The following B3GALT5 variants were observed in gnomAD, a reference collection of about 807,000 sequenced individuals.
B3GALT5 encodes the protein beta-1,3-galactosyltransferase 5, also known as UDP-Gal:betaGlcNAc beta 1,3-galactosyltransferase, polypeptide 5.
For missense variants in B3GALT5, 328 were observed against 396.6 expected (o/e 0.83, Z 1.47); for synonymous variants, 156 against 158.6 (o/e 0.98, Z 0.12).
At chr21:39,656,034 G>A (rs545379044) in intron 2 of B3GALT5, among the ~76,000 whole-genome samples, 2 of 152,224 alleles carry the variant, frequency 1.3e-5, no homozygotes, top group South Asian at 2.1e-4. Flanking sequence ...TTCCACTGGC[G>A]TTTTTTACCA....
At chr21:39,625,324 A>G (rs539325621) in intron 1 of B3GALT5, among the ~76,000 whole-genome samples, 2 of 152,324 alleles carry the variant, frequency 1.3e-5, no homozygotes, top group Non-Finnish European at 2.9e-5. Context: ...TCTGAGCCTG[A>G]TGGCTCTACC....
intron 1 of B3GALT5, among the ~76,000 whole-genome samples, chr21:39,640,699 T>C (rs890051716): frequency 2.0e-5 from 3 of 152,164 alleles, no homozygotes; most frequent in Non-Finnish European, 4.4e-5. Context: ...CTATTTTTTT[T>C]TTTTTGAGAA....
rs1040751179 is a variant in B3GALT5, at chr21:39,672,857, G to A, written c.*11365G>A. On this transcript the variant is annotated 3_prime_UTR_variant, in exon 4 of 4. Transcript: ENST00000684187. ...CTTGGATTTCGGAAGCAAAGCAATGGGACCCTACGCTTCAGAGTCTTAATG... is the reference window on the plus strand; with the variant it reads ...CTTGGATTTCGGAAGCAAAGCAATGAGACCCTACGCTTCAGAGTCTTAATG... 1 of 152,174 alleles carries A rather than the reference G, an allele frequency of 6.6e-6. No individual in the cohort carries two copies. Among genetic ancestry groups the A allele is most frequent in the African/African-American group, 2.4e-5 (1 of 41,440 alleles). 9.4% of individuals were successfully genotyped at this position (152,174 alleles called of 1,614,324 possible). A position where few individuals can be genotyped will look rare whatever the true frequency, so the allele number is the denominator to read the frequency against.
rs1205345088 is a variant in B3GALT5, at chr21:39,659,743, T to C, written c.-160-10T>C. 3 of 985,028 alleles carry C rather than the reference T, an allele frequency of 3.0e-6. No homozygotes were observed. In the African/African-American group the frequency reaches 5.2e-5, roughly 17 times the overall value. The allele number at this position is 985,028 out of a possible 1,614,324, so 61.0% of individuals were successfully genotyped here. On this transcript the variant is annotated splice_polypyrimidine_tract_variant and intron_variant, in intron 2 of 3. Coordinates refer to ENST00000684187, the MANE Select transcript of B3GALT5 (RefSeq NM_001356336.2). ...TGATTTGAATGACACTCTTTTTTTT[T>C]TTTTCCTAGTGATTCCTGTCAGAAT... is the stretch of plus-strand genomic sequence containing the variant.
intron 1 of B3GALT5, among the ~76,000 whole-genome samples, chr21:39,643,950 G>A (rs2079313907): frequency 6.6e-6 from 1 of 152,170 alleles, no homozygotes; most frequent in African/African-American, 2.4e-5. Context: ...CAAGGAAAAT[G>A]ACCAAAGAAA....
At chr21:39,626,030 C>T (rs2065959240) in intron 1 of B3GALT5, among the ~76,000 whole-genome samples, 1 of 152,102 alleles carries the variant, frequency 6.6e-6, no homozygotes, top group Non-Finnish European at 1.5e-5. Flanking sequence ...CTGTCTAGCC[C>T]CAGGACATTT....
intron 2 of B3GALT5, among the ~76,000 whole-genome samples, chr21:39,647,620 T>C (rs1378077420): frequency 6.6e-6 from 1 of 152,154 alleles, no homozygotes; most frequent in African/African-American, 2.4e-5. Context: ...AGTGCTGGGA[T>C]TATGGGCGTG....
chr21:39,646,241 T>G (rs1324026369), intron 1 of B3GALT5, among the ~76,000 whole-genome samples, 151 bp from the exon 2 acceptor site: 1 of 152,218 alleles, frequency 6.6e-6, no homozygotes, highest in Middle Eastern at 3.4e-3. Context: ...CCCACCGGCC[T>G]CCTCTGTATG....
Position 39,640,813 on chromosome 21 carries a change from C to T in B3GALT5, c.-391-5579C>T, listed in dbSNP as rs1010700185. On this transcript the variant is annotated intron_variant, in intron 1 of 3. Transcript: ENST00000684187. ...GGAGTACAGTGCTATGATCATGGCTCACTGTAGCCTTGACCTCCTGGGATC... is the reference window on the plus strand; with the variant it reads ...GGAGTACAGTGCTATGATCATGGCTTACTGTAGCCTTGACCTCCTGGGATC... Among the ~76,000 whole-genome samples, 7 of 151,864 alleles carry T rather than the reference C, an allele frequency of 4.6e-5. No individual in the cohort carries two copies. The East Asian group carries it at 1.4e-3, about 29-fold the overall frequency.
intron 1 of B3GALT5, among the ~76,000 whole-genome samples, chr21:39,644,864 C>CCTG (rs34488521): frequency 0.27 from 41,158 of 151,934 alleles, 5,715 homozygotes; most frequent in East Asian, 0.41. Flanking sequence ...CCCAGGGTCA[C>CCTG]AGGCTTCTAC....
At chr21:39,613,373 A>C (rs569546391) in intron 1 of B3GALT5, among the ~76,000 whole-genome samples, 1 of 152,270 alleles carries the variant, frequency 6.6e-6, no homozygotes, top group South Asian at 2.1e-4. Flanking sequence ...AGACTTAGGG[A>C]ATCAGCACTG....
intron 2 of B3GALT5, among the ~76,000 whole-genome samples, chr21:39,659,030 C>T (rs943452276): frequency 3.9e-5 from 6 of 152,174 alleles, no homozygotes; most frequent in South Asian, 2.1e-4. Context: ...TGCGTGAGCC[C>T]AGGAGTTTGA....
intron 1 of B3GALT5, among the ~76,000 whole-genome samples, chr21:39,622,748 A>G (rs2837099): frequency 1.3e-5 from 2 of 151,760 alleles, no homozygotes; most frequent in Admixed American, 6.6e-5. Flanking sequence ...CTTTTATCTC[A>G]TTATGTGTTT....
chr21:39,620,552 G>T (rs1467976463), intron 1 of B3GALT5, among the ~76,000 whole-genome samples: 1 of 152,168 alleles, frequency 6.6e-6, no homozygotes, highest in Admixed American at 6.5e-5. Context: ...ACCTCTTGAA[G>T]TTACGCAAAG....
intron 1 of B3GALT5, among the ~76,000 whole-genome samples, chr21:39,627,312 A>T (rs1478457532): frequency 1.3e-5 from 2 of 152,204 alleles, no homozygotes; most frequent in Non-Finnish European, 2.9e-5. Flanking sequence ...TTTGGGGTGC[A>T]TCACCTGGCT....
chr21:39,625,647 A>G (rs1206495621), intron 1 of B3GALT5, among the ~76,000 whole-genome samples: 1 of 152,188 alleles, frequency 6.6e-6, no homozygotes, highest in Non-Finnish European at 1.5e-5. Context: ...ACCTGTTTTC[A>G]TTTGGTTTAA....
chr21:39,633,147 G>C (rs1209254455), intron 1 of B3GALT5, among the ~76,000 whole-genome samples: 5 of 152,100 alleles, frequency 3.3e-5, no homozygotes, highest in Admixed American at 6.5e-5. Context: ...TTCTAGAGGG[G>C]GAAGAGGATG....
At chr21:39,648,776 G>A (rs532273889) in intron 2 of B3GALT5, among the ~76,000 whole-genome samples, 1 of 146,830 alleles carries the variant, frequency 6.8e-6, no homozygotes, top group East Asian at 2.0e-4. Context: ...GGAGGACATT[G>A]GGAGCTGAGT....
Position 39,642,875 on chromosome 21 carries a change from A to C in B3GALT5, c.-391-3517A>C, listed in dbSNP as rs375743775. 4.2e-3 allele frequency among the ~76,000 whole-genome samples: 568 copies of C among 135,044 alleles called. 2 individuals carry two copies. Among genetic ancestry groups the C allele is most frequent in the East Asian group, 0.023 (111 of 4,760 alleles). 88.6% of individuals were successfully genotyped at this position (135,044 alleles called of 152,430 possible). A position where few individuals can be genotyped will look rare whatever the true frequency, so the allele number is the denominator to read the frequency against. ...ACATAACGAGACTCCCATTGCCACA[A>C]AAAAAAAAAAAAAAAAGAAAAGAAA... is the stretch of plus-strand genomic sequence containing the variant. On this transcript the variant is annotated intron_variant, in intron 1 of 3. Coordinates refer to ENST00000684187, the MANE Select transcript of B3GALT5 (RefSeq NM_001356336.2).
Sources: gnomAD v4.1 joint callset for allele counts (sites outside exome capture counted in the v4.1 genomes callset) on GRCh38, gnomAD v4.1.1 for gene constraint, MANE v1.5 for transcripts, NCBI Gene and HGNC (gene_info 2026-07-23, HGNC 2026-07-21) for gene names.